CR1L: variants seen among roughly 807,000 people sequenced by gnomAD.
CR1L encodes the protein complement C3b/C4b receptor 1 like.
Under a neutral mutation model 62.3 loss-of-function variants are expected in CR1L, and 59 were observed. The ratio of observed to expected loss-of-function variants is 0.95; its 90% confidence interval spans 0.77 to 1.18. The LOEUF (loss-of-function observed/expected upper bound fraction) is 1.18, where lower values mean the gene tolerates loss of function less well. Among genes scored for constraint, CR1L ranks in the 50% most tolerant of loss-of-function variants. The probability of loss-of-function intolerance (pLI) is 0.00; values close to 1 mark genes in which losing one functional copy is unlikely to be tolerated. For missense variants in CR1L, 700 were observed against 702.8 expected (o/e 1.00, Z 0.04); for synonymous variants, 279 against 248.7 (o/e 1.12, Z -1.15).
In CR1L at chr1:207,655,023, T is replaced by A. The variant is rs572876619; in HGVS notation, c.97+9693T>A. ...TCAAATAGAGAAACTCTTTATTTGA[T>A]TAAATTGCAGATTTATTTAGCACTT... On this transcript the variant is annotated intron_variant, in intron 1 of 11. Transcript: ENST00000508064. Among the ~76,000 whole-genome samples the A allele has an allele frequency of 2.6e-5, 4 of 152,350 alleles. No homozygotes were observed. The South Asian group carries it at 8.3e-4, about 32-fold the overall frequency.
At chr1:207,706,346 G>A (rs1050054837) in intron 9 of CR1L, among the ~76,000 whole-genome samples, 8 of 151,862 alleles carry the variant, frequency 5.3e-5, no homozygotes, top group African/African-American at 9.7e-5. Context: ...ACCTCAGCCC[G>A]AGAGGCTGAG....
In CR1L at chr1:207,682,053, G is replaced by A. The variant is rs143005619; in HGVS notation, c.378-1819G>A. On this transcript the variant is annotated intron_variant, in intron 3 of 11. Coordinates refer to ENST00000508064, the MANE Select transcript of CR1L (RefSeq NM_175710.2). ...GGAGAAATACCTAATGTAGGTGACC[G>A]GTTGACGGGTGCAGCAAACCGCCAT... Among the ~76,000 whole-genome samples, 1,195 of 152,160 alleles carry A rather than the reference G, an allele frequency of 7.9e-3. 18 individuals are homozygous for A. Among genetic ancestry groups the A allele is most frequent in the African/African-American group, 0.025 (1,054 of 41,484 alleles).
chr1:207,719,951 C>T (rs1455298640), intron 11 of CR1L, among the ~76,000 whole-genome samples: 1 of 152,134 alleles, frequency 6.6e-6, no homozygotes, highest in Non-Finnish European at 1.5e-5. Flanking sequence ...GTCAACGGAC[C>T]TAAATATATA....
chr1:207,678,650 G>T (rs1663744372), intron 3 of CR1L, among the ~76,000 whole-genome samples: 3 of 152,232 alleles, frequency 2.0e-5, no homozygotes, highest in South Asian at 4.1e-4. Context: ...CTGTGTGAGA[G>T]AAATCTTAAT....
chr1:207,669,273 C>T, intron 1 of CR1L: 1 of 528,126 alleles, frequency 1.9e-6, no homozygotes, highest in South Asian at 2.1e-5. Context: ...TAAACATGGC[C>T]TTGCCCATGA....
intron 1 of CR1L, among the ~76,000 whole-genome samples, chr1:207,648,090 T>C (rs952416184): frequency 1.3e-5 from 2 of 151,390 alleles, no homozygotes; most frequent in Non-Finnish European, 1.5e-5. Flanking sequence ...GGAGGATCAC[T>C]GGAGCCCCCA....
intron 4 of CR1L, among the ~76,000 whole-genome samples, chr1:207,688,510 G>A (rs1663947211): frequency 1.3e-5 from 2 of 152,088 alleles, no homozygotes; most frequent in African/African-American, 2.4e-5. Flanking sequence ...ATATCTGGTG[G>A]CATATATCTT....
chr1:207,694,264 A>C (rs374246809), intron 4 of CR1L, 89 bp from the exon 5 acceptor site: 1 of 1,505,144 alleles, frequency 6.6e-7, no homozygotes. Flanking sequence ...AATAAAAGCA[A>C]ATAATGAATG....
intron 10 of CR1L, among the ~76,000 whole-genome samples, chr1:207,713,535 C>T (rs1653873089): frequency 6.6e-6 from 1 of 152,236 alleles, no homozygotes; most frequent in Non-Finnish European, 1.5e-5. Flanking sequence ...ATCTACTTGG[C>T]CCACCCAGGC....
intron 9 of CR1L, among the ~76,000 whole-genome samples, chr1:207,705,521 C>T (rs1456330251): frequency 6.6e-6 from 1 of 152,188 alleles, no homozygotes; most frequent in Non-Finnish European, 1.5e-5. Flanking sequence ...ATGTTTGTGC[C>T]ACCGCAACAA....
intron 4 of CR1L, among the ~76,000 whole-genome samples, chr1:207,693,824 A>T (rs1446388718): frequency 6.6e-6 from 1 of 151,996 alleles, no homozygotes; most frequent in African/African-American, 2.4e-5. Flanking sequence ...GAATATTGGC[A>T]ATTTATGTTT....
At position 207,708,251 on chromosome 1, in the gene CR1L, C is replaced by T; in HGVS notation, c.1402C>T (p.Pro468Ser). 1 of 1,611,306 alleles carries T rather than the reference C, an allele frequency of 6.2e-7. No homozygotes were observed. ...GNTAHWSMKP[P>S]ICQQIFCPNP... The stretch of plus-strand genomic sequence containing the variant: ...TACTGCCCATTGGAGCATGAAGCCA[C>T]CAATTTGTCAACGTGAGTTGAAATC... Residue 468 changes from proline (P) to serine (S), a missense_variant, in exon 10 of 12, where the codon CCA becomes TCA. By Grantham distance (74) the Pro-to-Ser change is moderately conservative (BLOSUM62 -1). Coordinates refer to ENST00000508064, the MANE Select transcript of CR1L (RefSeq NM_175710.2).
rs555696689 is a variant in CR1L at position 207,694,485 on chromosome 1, T to C, written c.596T>C (p.Leu199Pro). The C allele has an allele frequency of 6.2e-7, 1 of 1,613,954 alleles. No homozygotes were observed. Among genetic ancestry groups the C allele is most frequent in the African/African-American group, 1.3e-5 (1 of 75,050 alleles). Residue 199 changes from leucine (L) to proline (P), a missense_variant, in exon 5 of 12, where the codon CTT becomes CCT. Coordinates refer to ENST00000508064, the MANE Select transcript of CR1L (RefSeq NM_175710.2). ...AGCAGAGGGAAAAAGGTGTTTGAGC[T>C]TGTGGGTGAGCCCTCCATATACTGC... ...LGSRGKKVFE[L>P]VGEPSIYCTS...
chr1:207,699,242 G>A lies in CR1L; in HGVS notation c.1196G>A (p.Ser399Asn). 1.2e-6 allele frequency: 2 copies of A among 1,613,810 alleles called. No individual in the cohort carries two copies. The highest frequency in any genetic ancestry group is 1.7e-6 in the Non-Finnish European group (2 of 1,179,730). ...TACTGTGTTTTGGCTGGAATGGAAA[G>A]CCTTTGGAATAGCAGTGTTCCAGTG... ...ASYCVLAGMESLWNSSVPVCE... is the reference protein window; with the variant it reads ...ASYCVLAGMENLWNSSVPVCE... Residue 399 changes from serine to asparagine, a missense_variant, in exon 8 of 12, where the codon AGC becomes AAC. By Grantham distance (46) the Ser-to-Asn change is conservative. Transcript: ENST00000508064.
chr1:207,688,341 C>T (rs904451205), intron 4 of CR1L, among the ~76,000 whole-genome samples: 8 of 152,086 alleles, frequency 5.3e-5, no homozygotes, highest in Non-Finnish European at 1.2e-4. Context: ...AGTCAGGTGA[C>T]CTATATGTGG....
chr1:207,678,344 A>C, intron 3 of CR1L, 47 bp downstream of exon 3: 1 of 1,506,308 alleles, frequency 6.6e-7, no homozygotes, highest in Non-Finnish European at 9.2e-7. Context: ...CAAGGGTTCT[A>C]ACACAGCCAT....
At chr1:207,647,182 G>A (rs1663140418) in intron 1 of CR1L, among the ~76,000 whole-genome samples, 1 of 152,150 alleles carries the variant, frequency 6.6e-6, no homozygotes, top group Non-Finnish European at 1.5e-5. Flanking sequence ...TATTAACCAG[G>A]GAAGTGTTCT....
rs1664310447 is a variant in CR1L, at chr1:207,708,880, A to G, written c.1414+617A>G. ...TGGGAACAAACTTTGTAGAAGGGCA[A>G]TATACTGGCTGGGCACTGCCCTACA... On this transcript the variant is annotated intron_variant, in intron 10 of 11. Coordinates refer to ENST00000508064, the MANE Select transcript of CR1L (RefSeq NM_175710.2). 1.2e-5 allele frequency: 5 copies of G among 403,784 alleles called. No individual in the cohort carries two copies. The Admixed American group carries it at 1.3e-4, about 11-fold the overall frequency. 25.0% of individuals were successfully genotyped at this position (403,784 alleles called of 1,614,324 possible). A position where few individuals can be genotyped will look rare whatever the true frequency, so the allele number is the denominator to read the frequency against.
At chr1:207,706,992 A>T (rs769385568) in intron 9 of CR1L, among the ~76,000 whole-genome samples, 4 of 152,258 alleles carry the variant, frequency 2.6e-5, no homozygotes, top group Non-Finnish European at 4.4e-5. Context: ...TACAGAAAAG[A>T]TGAGTAGACT....
Sources: gnomAD v4.1 joint callset for allele counts (sites outside exome capture counted in the v4.1 genomes callset) on GRCh38, gnomAD v4.1.1 for gene constraint, MANE v1.5 for transcripts, NCBI Gene and HGNC (gene_info 2026-07-23, HGNC 2026-07-21) for gene names.